The following CPEB2 variants were observed in gnomAD, a reference collection of about 807,000 sequenced individuals.
CPEB2 encodes the protein cytoplasmic polyadenylation element binding protein 2.
A neutral mutation model predicts 93.6 loss-of-function variants in CPEB2; 56 were observed. The observed-to-expected ratio is 0.60, with a 90% CI of 0.48 to 0.75. The LOEUF (loss-of-function observed/expected upper bound fraction) is 0.75. CPEB2 is among the 30% of genes least tolerant of loss of function. CPEB2 has a pLI of 0.00. For missense variants in CPEB2, 1,579 were observed against 1,395.1 expected (o/e 1.13, Z -2.10); for synonymous variants, 764 against 586.3 (o/e 1.30, Z -4.38).
In CPEB2 at chr4:15,003,270, T is replaced by C. The variant is rs868803011; in HGVS notation, c.597T>C (p.Pro199=). ...CGGACTCGAAGCCGCCGCCGCCGCC[T>C]CCGCCGCTCCACTGCCCCGGTCGGT... The part of the protein sequence containing the change: ...HPPDSKPPPP[P]PPLHCPGRFS... Residue 199 remains proline (P), a synonymous_variant, in exon 1 of 12, where the codon CCT becomes CCC. Transcript: ENST00000538197. 42 of 1,510,212 alleles carry C rather than the reference T, an allele frequency of 2.8e-5. No individual in the cohort carries two copies. Among genetic ancestry groups the C allele is most frequent in the Non-Finnish European group, 3.5e-5 (40 of 1,139,886 alleles). 93.6% of individuals were successfully genotyped at this position (1,510,212 alleles called of 1,614,324 possible). A position where few individuals can be genotyped will look rare whatever the true frequency, so the allele number is the denominator to read the frequency against.
At chr4:15,005,181 A>G (rs1028168498) in intron 1 of CPEB2, 7 of 152,190 alleles carry the variant, frequency 4.6e-5, no homozygotes, top group Non-Finnish European at 8.8e-5. Flanking sequence ...ACTGTTAGTG[A>G]CCGCTCGGGT....
intron 6 of CPEB2, among the ~76,000 whole-genome samples, chr4:15,045,428 A>G (rs1727569854): frequency 6.6e-6 from 1 of 152,136 alleles, no homozygotes; most frequent in Non-Finnish European, 1.5e-5. Flanking sequence ...ATGAGCGTAT[A>G]TACATTTTAA....
intron 10 of CPEB2, 110 bp from the exon 11 acceptor site, chr4:15,061,969 C>A: frequency 3.9e-6 from 4 of 1,026,262 alleles, no homozygotes; most frequent in Non-Finnish European, 5.6e-6. Flanking sequence ...CATTCTACTC[C>A]TGGTCAAATG....
chr4:15,032,253 A>G (rs1198583274), intron 4 of CPEB2, among the ~76,000 whole-genome samples: 1 of 152,170 alleles, frequency 6.6e-6, no homozygotes, highest in Non-Finnish European at 1.5e-5. Context: ...ATGAGCCACC[A>G]TGCCCAGCCT....
At chr4:15,054,577 AG>A (rs760880455) in intron 8 of CPEB2, among the ~76,000 whole-genome samples, 1 of 152,374 alleles carries the variant, frequency 6.6e-6, no homozygotes, top group East Asian at 1.9e-4. Flanking sequence ...TAAATAATTT[AG>A]ATAAAAGACA....
At chr4:15,058,299 T>G (rs1030033304) in intron 8 of CPEB2, 122 bp from the exon 9 acceptor site, 1 of 642,300 alleles carries the variant, frequency 1.6e-6, no homozygotes, top group Non-Finnish European at 2.8e-6. Context: ...GGTAAATGGT[T>G]TTTCATCCTA....
chr4:15,040,622 G>A (rs1024852564), intron 6 of CPEB2, 135 bp downstream of exon 6: 24 of 737,650 alleles, frequency 3.3e-5, no homozygotes, highest in Non-Finnish European at 4.6e-5. Flanking sequence ...AGCACTTGTC[G>A]AAGTTTTTAA....
At chr4:15,063,570 G>T (rs1011157626) in intron 11 of CPEB2, among the ~76,000 whole-genome samples, 3 of 152,042 alleles carry the variant, frequency 2.0e-5, no homozygotes, top group African/African-American at 7.2e-5. Flanking sequence ...ATAAAGCTCC[G>T]GAAGTGACAC....
chr4:15,064,729 T>C (rs140310936), intron 11 of CPEB2, among the ~76,000 whole-genome samples: 159 of 152,270 alleles, frequency 1.0e-3, no homozygotes, highest in Non-Finnish European at 1.7e-3. Context: ...GCTGTCCCAG[T>C]GTTCATGGAG....
In CPEB2 at chr4:15,066,690, C is replaced by T; in HGVS notation, c.*310C>T. On this transcript the variant is annotated 3_prime_UTR_variant, in exon 12 of 12. Coordinates refer to ENST00000538197, the MANE Select transcript of CPEB2 (RefSeq NM_001177382.2). ...GAGAATGTTTTGCGTAGGGGCAACA[C>T]AGTCTGCTGCTATATAGTGGGGGAA... 1 of 328,892 alleles carries T rather than the reference C, an allele frequency of 3.0e-6. No individual in the cohort carries two copies. Among genetic ancestry groups the T allele is most frequent in the Non-Finnish European group, 5.7e-6 (1 of 175,960 alleles). The allele number at this position is 328,892 out of a possible 1,614,324, so 20.4% of individuals were successfully genotyped here. A position where few individuals can be genotyped will look rare whatever the true frequency, so the allele number is the denominator to read the frequency against.
At position 15,066,664 on chromosome 4, in the gene CPEB2, T is replaced by C; in HGVS notation, c.*284T>C. 1 of 398,388 alleles carries C rather than the reference T, an allele frequency of 2.5e-6. No homozygotes were observed. Among genetic ancestry groups the C allele is most frequent in the Non-Finnish European group, 4.6e-6 (1 of 218,776 alleles). 24.7% of individuals were successfully genotyped at this position (398,388 alleles called of 1,614,324 possible). On this transcript the variant is annotated 3_prime_UTR_variant, in exon 12 of 12. Coordinates refer to ENST00000538197, the MANE Select transcript of CPEB2 (RefSeq NM_001177382.2). ...TTATATGTAAAGTTAAAATTAGATA[T>C]GAGAATGTTTTGCGTAGGGGCAACA...
At chr4:15,042,115 G>A (rs968365) in intron 6 of CPEB2, among the ~76,000 whole-genome samples, 109,740 of 152,044 alleles carry the variant, frequency 0.72, 40,365 homozygotes, top group East Asian at 0.96. Flanking sequence ...CCACTTACCA[G>A]TCTGTGATTT....
Position 15,017,208 on chromosome 4 carries a change from C to G in CPEB2, c.2055C>G (p.Asp685Glu), listed in dbSNP as rs1043423060. The G allele has an allele frequency of 4.4e-6, 7 of 1,592,202 alleles. No individual in the cohort carries two copies. Among genetic ancestry groups the G allele is most frequent in the Non-Finnish European group, 6.0e-6 (7 of 1,162,126 alleles). Residue 685 changes from aspartate to glutamate, a missense_variant, in exon 4 of 12, where the codon GAC becomes GAG. Asp to Glu is a conservative substitution (Grantham distance 45). This residue lies in a region of CPEB2 where 1,411 missense variants were observed against 1,056.0 expected (regional missense o/e 1.34). Transcript: ENST00000538197. The stretch of plus-strand genomic sequence containing the variant: ...TCCAGGATCGAAGTAGAATGTATGA[C>G]AGTTTGAATATGCACTCTTTGGAAA... The part of the protein sequence containing the change: ...RIDQDRSRMY[D>E]SLNMHSLENS...
At position 15,038,983 on chromosome 4, in the gene CPEB2, A is replaced by G. The variant is rs1401423673; in HGVS notation, c.2177-1481A>G. 2.6e-5 allele frequency among the ~76,000 whole-genome samples: 4 copies of G among 152,274 alleles called. No homozygotes were observed. The East Asian group carries it at 7.7e-4, about 29-fold the overall frequency. ...CACTTAGAGCTTTTTAAAAACTTTT[A>G]TGTTTAGAAGACCTAGACAACAAAA... On this transcript the variant is annotated intron_variant, in intron 5 of 11. Transcript: ENST00000538197.
chr4:15,004,114 AGCG>A lies in CPEB2; in HGVS notation c.1459_1461del (p.Gly487del), dbSNP rs534266090. 1,093 of 1,419,396 alleles carry A rather than the reference AGCG, an allele frequency of 7.7e-4. No homozygotes were observed. The highest frequency in any genetic ancestry group is 2.4e-3 in the Admixed American group (117 of 49,328). 87.9% of individuals were successfully genotyped at this position (1,419,396 alleles called of 1,614,324 possible). A position where few individuals can be genotyped will look rare whatever the true frequency, so the allele number is the denominator to read the frequency against. On this transcript the variant is annotated inframe_deletion, in exon 1 of 12. Coordinates refer to ENST00000538197, the MANE Select transcript of CPEB2 (RefSeq NM_001177382.2). ...CTGCACTGGGCTCAGCGTTCCGACGAGCGGCGGCGGCGGCGGCGGCTTCGGCGG... is the reference window on the plus strand; with the variant it reads ...CTGCACTGGGCTCAGCGTTCCGACGAGCGGCGGCGGCGGCGGCTTCGGCGG...
Position 15,004,338 on chromosome 4 carries a change from ACGGCGGGCGGCGGCCTGGCC to A in CPEB2, c.1662+4_1662+23del. The A allele has an allele frequency of 6.9e-7, 1 of 1,446,004 alleles. No homozygotes were observed. Among genetic ancestry groups the A allele is most frequent in the Non-Finnish European group, 9.0e-7 (1 of 1,109,866 alleles). 89.6% of individuals were successfully genotyped at this position (1,446,004 alleles called of 1,614,324 possible). On this transcript the variant is annotated splice_donor_5th_base_variant and intron_variant, in intron 1 of 11. Coordinates refer to ENST00000538197, the MANE Select transcript of CPEB2 (RefSeq NM_001177382.2). ...GGAACTCCTATAACCACCACCAGGT[ACGGCGGGCGGCGGCCTGGCC>A]GCGCCGCGGGACCGGGAGACCATGG...
chr4:15,021,203 C>T (rs1383947155), intron 4 of CPEB2, among the ~76,000 whole-genome samples: 1 of 152,100 alleles, frequency 6.6e-6, no homozygotes, highest in Non-Finnish European at 1.5e-5. Flanking sequence ...ATGGCACTGA[C>T]CCGTCTGCTT....
intron 4 of CPEB2, among the ~76,000 whole-genome samples, chr4:15,018,969 T>TATATATATACAC (rs1479960595): frequency 7.2e-6 from 1 of 139,194 alleles, no homozygotes; most frequent in Admixed American, 7.1e-5. Flanking sequence ...TATATATATA[T>TATATATATACAC]ACACACGCAC....
Position 15,003,805 on chromosome 4 carries a change from G to T in CPEB2, c.1132G>T (p.Gly378Cys). The T allele has an allele frequency of 2.0e-6, 2 of 1,018,980 alleles. No homozygotes were observed. The highest frequency in any genetic ancestry group is 2.5e-6 in the Non-Finnish European group (2 of 807,194). The allele number at this position is 1,018,980 out of a possible 1,614,324, so 63.1% of individuals were successfully genotyped here. ...GGSASPPPLP[G>C]FGTPWSVQTA... Reference sequence around the variant, plus strand: ...CTCCGCGTCGCCGCCGCCGCTGCCCGGCTTCGGCACCCCCTGGTCGGTGCA... The same window carrying T: ...CTCCGCGTCGCCGCCGCCGCTGCCCTGCTTCGGCACCCCCTGGTCGGTGCA... The change falls in exon 1 of 12, where the codon GGC (glycine) becomes TGC (cysteine). Residue 378 changes from glycine to cysteine, a missense_variant. By Grantham distance (159) the Gly-to-Cys change is radical. Coordinates refer to ENST00000538197, the MANE Select transcript of CPEB2 (RefSeq NM_001177382.2).
Sources: gnomAD v4.1 joint callset for allele counts (sites outside exome capture counted in the v4.1 genomes callset) on GRCh38, gnomAD v4.1.1 for gene constraint, gnomAD v4.1.1 regional missense constraint, MANE v1.5 for transcripts, NCBI Gene and HGNC (gene_info 2026-07-23, HGNC 2026-07-21) for gene names.